Variants in RET observed in about 807,000 individuals in gnomAD.
The protein encoded by RET is ret proto-oncogene.
RET carries 19 observed loss-of-function variants against 118.3 expected under a neutral mutation model. The ratio of observed to expected loss-of-function variants is 0.16; its 90% CI spans 0.11 to 0.24. RET has a LOEUF of 0.24. Ranked by LOEUF, RET falls within the 10% of genes least tolerant of loss-of-function variation. RET has a pLI of 1.00. For synonymous variants in RET, 597 were observed against 644.1 expected (o/e 0.93, Z 1.11); for missense variants, 1,219 against 1,502.1 (o/e 0.81, Z 3.12).
At position 43,114,033 on chromosome 10, in the gene RET, G is replaced by T. The variant is rs1838006619; in HGVS notation, c.1879+358G>T. On this transcript the variant is annotated intron_variant, in intron 10 of 19. Coordinates refer to ENST00000355710, the MANE Select transcript of RET (RefSeq NM_020975.6). The surrounding 1 kb of genome is among the most constrained non-coding windows in gnomAD (Gnocchi z 4.6). ...ACAGCCACACTGACTACACTCAGGG[G>T]TGCTGTTCTGCCTGAGCATAGGGAC... 6.6e-6 allele frequency among the ~76,000 whole-genome samples: 1 copy of T among 152,226 alleles called. No homozygotes were observed. Among genetic ancestry groups the T allele is most frequent in the Admixed American group, 6.5e-5 (1 of 15,288 alleles).
At chr10:43,078,601 G>A (rs1034566137) in intron 1 of RET, among the ~76,000 whole-genome samples, 1 of 152,246 alleles carries the variant, frequency 6.6e-6, no homozygotes, top group Non-Finnish European at 1.5e-5. Flanking sequence ...CAAACAAGGC[G>A]CTCTGACGCT....
chr10:43,119,496 C>T (rs1381234441), intron 13 of RET, 35 bp from the exon 14 acceptor site: 1 of 1,560,092 alleles, frequency 6.4e-7, no homozygotes, highest in Non-Finnish European at 8.7e-7. Flanking sequence ...AGCTGCCTGA[C>T]CCGCACGCCC....
chr10:43,116,460 C>A, intron 11 of RET, 124 bp from the exon 12 acceptor site: 1 of 1,245,608 alleles, frequency 8.0e-7, no homozygotes, highest in Non-Finnish European at 1.2e-6. Context: ...GCTCAGATGA[C>A]AGCCGGTTCT....
In RET at chr10:43,116,778, C is replaced by T. The variant is rs760466; in HGVS notation, c.2284+47C>T. 324,175 of 1,420,794 alleles carry T rather than the reference C, an allele frequency of 0.23. 40,832 individuals carry two copies. Among genetic ancestry groups the T allele is most frequent in the Non-Finnish European group, 0.26 (266,942 of 1,028,738 alleles). 88.0% of individuals were successfully genotyped at this position (1,420,794 alleles called of 1,614,324 possible). A position where few individuals can be genotyped will look rare whatever the true frequency, so the allele number is the denominator to read the frequency against. ...AGTGCCCCTGGGGGAGTCTCCGGGG[C>T]GGGGGGCGGGTGAGGCCCCTCCTGC... is the stretch of plus-strand genomic sequence containing the variant. On this transcript the variant is annotated intron_variant, in intron 12 of 19. Transcript: ENST00000355710.
intron 10 of RET, among the ~76,000 whole-genome samples, chr10:43,113,961 G>C (rs1838003731): frequency 6.6e-6 from 1 of 152,174 alleles, no homozygotes; most frequent in Non-Finnish European, 1.5e-5. Flanking sequence ...ATGCAGCTGG[G>C]ACCCACCCAG....
intron 5 of RET, among the ~76,000 whole-genome samples, chr10:43,108,031 T>TAA (rs948533448): frequency 6.8e-6 from 1 of 147,282 alleles, no homozygotes; most frequent in African/African-American, 2.5e-5. Flanking sequence ...CTGGGTAACT[T>TAA]AAAAAAAAAA....
chr10:43,116,818 T>G (rs1276919026), intron 12 of RET, 87 bp downstream of exon 12: 1 of 1,515,412 alleles, frequency 6.6e-7, no homozygotes, highest in East Asian at 2.3e-5. Context: ...CATGGGACCC[T>G]GAAGAGCCCC....
intron 19 of RET, chr10:43,127,486 G>A (rs1294960333): frequency 4.2e-5 from 43 of 1,027,678 alleles, no homozygotes; most frequent in South Asian, 9.1e-5. Flanking sequence ...TTTTGTCTTT[G>A]ATTAAATACT....
intron 10 of RET, 55 bp downstream of exon 10, chr10:43,113,730 A>G (rs1837998941): frequency 6.8e-6 from 11 of 1,607,396 alleles, no homozygotes; most frequent in Non-Finnish European, 8.5e-6. Flanking sequence ...AGAGGTCTCA[A>G]CAGCACATCT....
chr10:43,110,411 C>T (rs1017306679), intron 6 of RET, among the ~76,000 whole-genome samples: 2 of 152,150 alleles, frequency 1.3e-5, no homozygotes, highest in Admixed American at 1.3e-4. Flanking sequence ...GCTGTGGTCA[C>T]TTGTGGGCCT....
In RET at chr10:43,124,963, A is replaced by T. The variant is rs759798237; in HGVS notation, c.3020A>T (p.Lys1007Met). The change falls in exon 18 of 20, where the codon AAG (lysine) becomes ATG (methionine). Residue 1007 changes from lysine to methionine, a missense_variant. Lys to Met is a moderately conservative substitution (Grantham distance 95). Coordinates refer to ENST00000355710, the MANE Select transcript of RET (RefSeq NM_020975.6). Reference sequence around the variant, plus strand: ...GCGGACATCAGCAAAGACCTGGAGAAGATGATGGTTAAGAGGAGAGTGAGT... The same window carrying T: ...GCGGACATCAGCAAAGACCTGGAGATGATGATGGTTAAGAGGAGAGTGAGT... ...VFADISKDLEKMMVKRRDYLD... is the reference protein window; with the variant it reads ...VFADISKDLEMMMVKRRDYLD... The T allele has an allele frequency of 1.1e-5, 17 of 1,614,210 alleles. No individual in the cohort carries two copies. Among genetic ancestry groups the T allele is most frequent in the Non-Finnish European group, 1.4e-5 (17 of 1,180,030 alleles).
intron 1 of RET, among the ~76,000 whole-genome samples, chr10:43,077,554 G>T (rs888680944): frequency 9.3e-5 from 14 of 150,602 alleles, no homozygotes; most frequent in African/African-American, 2.9e-4. Flanking sequence ...GGCGGGTCTC[G>T]GGCGGGAGCG....
intron 1 of RET, among the ~76,000 whole-genome samples, chr10:43,084,717 C>G (rs1244783929): frequency 6.6e-6 from 1 of 152,170 alleles, no homozygotes. Flanking sequence ...ATCACCACTG[C>G]CCTCGAGGAC....
chr10:43,083,552 G>A (rs1181361027), intron 1 of RET, among the ~76,000 whole-genome samples: 4 of 152,226 alleles, frequency 2.6e-5, no homozygotes, highest in Non-Finnish European at 5.9e-5. Context: ...GGGGGCCACC[G>A]TCACTTTCCC....
At position 43,128,342 on chromosome 10, in the gene RET, T is replaced by C. The variant is rs1838380262; in HGVS notation, c.*73T>C. 2 of 1,574,072 alleles carry C rather than the reference T, an allele frequency of 1.3e-6. No homozygotes were observed. The highest frequency in any genetic ancestry group is 1.1e-5 in the South Asian group (1 of 90,164). ...GAGAATGGAAAGTCTACCGGCCCTTTCTTTGTGAACGTCACATTGGCCGAG... is the reference window on the plus strand; with the variant it reads ...GAGAATGGAAAGTCTACCGGCCCTTCCTTTGTGAACGTCACATTGGCCGAG... On this transcript the variant is annotated 3_prime_UTR_variant, in exon 20 of 20. Transcript: ENST00000355710.
intron 18 of RET, among the ~76,000 whole-genome samples, chr10:43,126,314 T>TC (rs1416386814): frequency 1.3e-5 from 2 of 152,140 alleles, no homozygotes; most frequent in African/African-American, 4.8e-5. Context: ...CACATTTCTT[T>TC]CCCCAGGGAG....
chr10:43,087,037 T>C (rs1391832054), intron 1 of RET, among the ~76,000 whole-genome samples: 2 of 152,254 alleles, frequency 1.3e-5, no homozygotes, highest in Non-Finnish European at 2.9e-5. Context: ...CATGTCCTGG[T>C]TGCAGTTCTA....
chr10:43,101,486 C>T (rs924508396), intron 2 of RET, among the ~76,000 whole-genome samples: 1 of 152,236 alleles, frequency 6.6e-6, no homozygotes, highest in Admixed American at 6.5e-5. Context: ...GTGGGCAACT[C>T]CCTCCGGCGC....
chr10:43,100,818 T>C (rs1837626972), intron 2 of RET, 96 bp downstream of exon 2: 1 of 1,346,110 alleles, frequency 7.4e-7, no homozygotes, highest in Non-Finnish European at 1.0e-6. Context: ...TTGGCATGGC[T>C]TCCCCCCCAC....
Sources: allele counts gnomAD v4.1 joint callset (sites outside exome capture counted in the v4.1 genomes callset), GRCh38; gene constraint gnomAD v4.1.1; non-coding constraint Gnocchi (gnomAD v3.1); transcripts MANE v1.5; gene names NCBI Gene and HGNC (gene_info 2026-07-23, HGNC 2026-07-21).